TMEM234: variants seen among roughly 807,000 people sequenced by gnomAD.
TMEM234 encodes the protein transmembrane protein 234.
A neutral mutation model predicts 17.8 loss-of-function variants in TMEM234; 21 were observed. The observed-to-expected ratio is 1.18, with a 90% CI of 0.84 to 1.70. The LOEUF is 1.70. Among genes scored for constraint, TMEM234 ranks in the 40% most tolerant of loss-of-function variants. TMEM234 has a pLI of 0.00. For synonymous variants in TMEM234, 83 were observed against 73.5 expected (o/e 1.13, Z -0.66); for missense variants, 137 against 166.9 (o/e 0.82, Z 0.99).
At chr1:32,217,192 A>T in intron 4 of TMEM234, 67 bp downstream of exon 4, 1 of 1,613,852 alleles carries the variant, frequency 6.2e-7, no homozygotes, top group Non-Finnish European at 8.5e-7. Context: ...GGGTTCTGGG[A>T]AGGAACTAAC....
intron 3 of TMEM234, 57 bp downstream of exon 3, chr1:32,221,074 A>G: frequency 6.1e-6 from 9 of 1,468,614 alleles, no homozygotes; most frequent in Non-Finnish European, 8.5e-6. Flanking sequence ...GCCCCCCCCA[A>G]TCACTCTTCC....
chr1:32,215,620 G>A (rs1377240664), downstream of TMEM234: 8 of 1,367,692 alleles, frequency 5.8e-6, no homozygotes, highest in South Asian at 8.9e-5. Flanking sequence ...TTGGGCCCCA[G>A]GAACAGTTCT....
intron 3 of TMEM234, among the ~76,000 whole-genome samples, chr1:32,220,701 C>T (rs371307102): frequency 1.3e-5 from 2 of 152,280 alleles, no homozygotes; most frequent in East Asian, 3.9e-4. Context: ...GTATATGGAG[C>T]TCTGACTGTG....
downstream of TMEM234, chr1:32,215,581 G>C: frequency 6.3e-7 from 1 of 1,588,606 alleles, no homozygotes; most frequent in Non-Finnish European, 8.6e-7. Flanking sequence ...GTTGGGGTGG[G>C]AGGAGCTCTG....
At chr1:32,218,566 G>A (rs1192499251) in intron 3 of TMEM234, among the ~76,000 whole-genome samples, 1 of 152,080 alleles carries the variant, frequency 6.6e-6, no homozygotes, top group Non-Finnish European at 1.5e-5. Flanking sequence ...ATTTTGGAAG[G>A]CTGAGACGGG....
chr1:32,218,366 C>G (rs188966819), intron 3 of TMEM234, among the ~76,000 whole-genome samples: 1 of 151,994 alleles, frequency 6.6e-6, no homozygotes, highest in African/African-American at 2.4e-5. Flanking sequence ...GCAGAGGTTG[C>G]ACTGAGCCAA....
chr1:32,217,642 T>C (rs973838729), intron 3 of TMEM234: 5 of 598,846 alleles, frequency 8.3e-6, no homozygotes, highest in South Asian at 7.9e-5. Flanking sequence ...CAAGGACATC[T>C]GGACGGACAG....
At chr1:32,219,417 G>A (rs1638695246) in intron 3 of TMEM234, among the ~76,000 whole-genome samples, 1 of 152,158 alleles carries the variant, frequency 6.6e-6, no homozygotes, top group African/African-American at 2.4e-5. Context: ...TTTTGAGACA[G>A]GGTCTCTCTC....
chr1:32,217,691 G>A (rs951168228), intron 3 of TMEM234: 3 of 451,812 alleles, frequency 6.6e-6, no homozygotes, highest in African/African-American at 6.0e-5. Flanking sequence ...AGAGAGTCAG[G>A]TAACACCAAG....
intron 4 of TMEM234, 69 bp downstream of exon 4, chr1:32,217,190 G>A: frequency 6.2e-7 from 1 of 1,613,704 alleles, no homozygotes; most frequent in Non-Finnish European, 8.5e-7. Context: ...ATGGGTTCTG[G>A]GAAGGAACTA....
At chr1:32,216,003 C>T (rs905107475), downstream of TMEM234, 1 of 978,884 alleles carries the variant, frequency 1.0e-6, no homozygotes, top group African/African-American at 1.6e-5. Context: ...GCTGGGCTCA[C>T]AGGGTACACT....
chr1:32,222,253 T>G (rs1169871888), intron 1 of TMEM234, 54 bp downstream of exon 1: 16 of 1,528,114 alleles, frequency 1.0e-5, no homozygotes, highest in Non-Finnish European at 1.4e-5. Context: ...GAGCAGGAAA[T>G]GAATTCGAGG....
downstream of TMEM234, chr1:32,215,579 G>T: frequency 6.3e-7 from 1 of 1,595,264 alleles, no homozygotes. Flanking sequence ...ATGTTGGGGT[G>T]GGAGGAGCTC....
downstream of TMEM234, chr1:32,215,009 G>C (rs996595550): frequency 1.3e-6 from 2 of 1,573,286 alleles, no homozygotes; most frequent in African/African-American, 2.7e-5. Flanking sequence ...CTGTTGTTGG[G>C]GATGTCCATG....
Position 32,216,835 on chromosome 1 carries a change from G to C in TMEM234, c.*18C>G. ...GGGCTTCCTGGAGGCAGCAGAGCTG[G>C]AAGTGGGTTCGGCCCACTCAAAGGG... On this transcript the variant is annotated 3_prime_UTR_variant, in exon 5 of 5. Transcript: ENST00000309777. The C allele has an allele frequency of 1.2e-6, 2 of 1,613,784 alleles. No homozygotes were observed. The highest frequency in any genetic ancestry group is 1.7e-6 in the Non-Finnish European group (2 of 1,179,916).
chr1:32,216,188 A>AC (rs1229919016), downstream of TMEM234: 2 of 840,706 alleles, frequency 2.4e-6, no homozygotes, highest in African/African-American at 3.4e-5. Flanking sequence ...AAGAATACTT[A>AC]CTAACCTCTT....
chr1:32,218,774 C>T (rs1638637998), intron 3 of TMEM234, among the ~76,000 whole-genome samples: 1 of 152,052 alleles, frequency 6.6e-6, no homozygotes, highest in Admixed American at 6.5e-5. Context: ...CCCGTCTCTA[C>T]TAAAAATACA....
downstream of TMEM234, chr1:32,215,993 G>C (rs1427071749): frequency 1.9e-6 from 2 of 1,068,756 alleles, no homozygotes; most frequent in Non-Finnish European, 2.8e-6. Context: ...CAGCACCTCC[G>C]CTGGGCTCAC....
intron 3 of TMEM234, 120 bp downstream of exon 3, chr1:32,221,010 GA>G (rs755055191): frequency 1.5e-4 from 107 of 729,754 alleles, no homozygotes; most frequent in Non-Finnish European, 2.4e-4. Flanking sequence ...GAGGGAACTA[GA>G]GCTAGTCAGC....
Sources: allele counts gnomAD v4.1 joint callset (sites outside exome capture counted in the v4.1 genomes callset), GRCh38; gene constraint gnomAD v4.1.1; transcripts MANE v1.5; gene names NCBI Gene and HGNC (gene_info 2026-07-23, HGNC 2026-07-21).